SHANK2: variants seen among roughly 807,000 people sequenced by gnomAD.
SHANK2 encodes the protein SH3 and multiple ankyrin repeat domains protein 2.
Under a neutral mutation model 133.7 loss-of-function variants are expected in SHANK2, and 43 were observed. That is an observed-to-expected ratio of 0.32 (90% CI 0.25 to 0.41). The LOEUF (loss-of-function observed/expected upper bound fraction) is 0.41. SHANK2 is among the 10% of genes least tolerant of loss of function. SHANK2 has a pLI of 1.00. For missense variants in SHANK2, 1,994 were observed against 2,235.8 expected (o/e 0.89, Z 2.18); for synonymous variants, 1,017 against 952.8 (o/e 1.07, Z -1.24).
intron 2 of SHANK2, among the ~76,000 whole-genome samples, chr11:71,178,755 A>T (rs560656306): frequency 4.6e-5 from 7 of 152,206 alleles, no homozygotes; most frequent in Non-Finnish European, 1.0e-4. Flanking sequence ...AGGCTGAGGC[A>T]GGTGGATCAC....
At chr11:70,899,102 G>A (rs1312286101) in intron 10 of SHANK2, among the ~76,000 whole-genome samples, 1 of 152,180 alleles carries the variant, frequency 6.6e-6, no homozygotes, top group Non-Finnish European at 1.5e-5. Context: ...CTTACGGGCA[G>A]GACCACAGGG....
rs2134791965 is a variant in SHANK2, at chr11:70,739,621, C to A, written c.1778-40858G>T. Among the ~76,000 whole-genome samples the A allele has an allele frequency of 6.6e-6, 1 of 152,328 alleles. No individual in the cohort carries two copies. The highest frequency in any genetic ancestry group is 2.1e-4 in the South Asian group (1 of 4,828). ...TGGTGAGGTTGGTCCAGGGTCCCAC[C>A]ACCAGCCAGGGTCAGCTGGGCCCCA... On this transcript the variant is annotated intron_variant, in intron 14 of 25. Transcript: ENST00000601538. This position sits in a 1 kb window ranked among gnomAD's most constrained non-coding sequence, Gnocchi z 4.3.
intron 17 of SHANK2, among the ~76,000 whole-genome samples, chr11:70,519,038 C>T (rs2059299027): frequency 6.6e-6 from 1 of 152,104 alleles, no homozygotes; most frequent in Admixed American, 6.5e-5. Context: ...GCCTCTTGAG[C>T]AGCTGAAACC....
intron 10 of SHANK2, among the ~76,000 whole-genome samples, chr11:70,929,026 G>T (rs1555082081): frequency 6.6e-6 from 1 of 152,194 alleles, no homozygotes; most frequent in East Asian, 1.9e-4. Context: ...GAGAAGCTGG[G>T]AGGGCACTAC....
intron 14 of SHANK2, among the ~76,000 whole-genome samples, chr11:70,790,076 A>C (rs1947755937): frequency 6.6e-6 from 1 of 152,240 alleles, no homozygotes; most frequent in African/African-American, 2.4e-5. Context: ...CATGGGTGCC[A>C]ACTGATTACT....
At chr11:70,522,470 G>A (rs1475880684) in intron 17 of SHANK2, among the ~76,000 whole-genome samples, 2 of 152,212 alleles carry the variant, frequency 1.3e-5, no homozygotes, top group Non-Finnish European at 2.9e-5. Flanking sequence ...GCACGTGCAG[G>A]GTTCTCATTA....
At chr11:70,588,410 G>C (rs1454018228) in intron 17 of SHANK2, among the ~76,000 whole-genome samples, 3 of 152,208 alleles carry the variant, frequency 2.0e-5, no homozygotes, top group Non-Finnish European at 4.4e-5. Context: ...TAGCCAAGCT[G>C]TGAATACAAA....
chr11:70,519,930 T>C (rs1431853240), intron 17 of SHANK2, among the ~76,000 whole-genome samples: 1 of 146,524 alleles, frequency 6.8e-6, no homozygotes, highest in Non-Finnish European at 1.5e-5. Flanking sequence ...TTTTTTTTTT[T>C]AAAGGCAAGG....
At chr11:71,232,540 TCCC>T (rs1478808696) in intron 1 of SHANK2, among the ~76,000 whole-genome samples, 6 of 148,794 alleles carry the variant, frequency 4.0e-5, no homozygotes, top group African/African-American at 1.5e-4. Flanking sequence ...TCCTCCTCTT[TCCC>T]CCCTCCTCTC....
rs1555159232 is a variant in SHANK2, at chr11:70,503,023, A to G, written c.2062-92T>C. The G allele has an allele frequency of 2.8e-6, 4 of 1,408,234 alleles. No homozygotes were observed. The East Asian group carries it at 6.9e-5, about 24-fold the overall frequency. The allele number at this position is 1,408,234 out of a possible 1,614,324, so 87.2% of individuals were successfully genotyped here. A position where few individuals can be genotyped will look rare whatever the true frequency, so the allele number is the denominator to read the frequency against. ...CAAGGCAGAGACATGTGGGCTCCTA[A>G]AAAGGGGGCAAATGCAGGGAAGCAA... On this transcript the variant is annotated intron_variant, in intron 17 of 25. Transcript: ENST00000601538.
chr11:70,486,633 G>GAGTGCC lies in SHANK2; in HGVS notation c.3654_3659dup (p.Ala1219_Leu1220dup), dbSNP rs1565528668. 6.2e-7 allele frequency: 1 copy of GAGTGCC among 1,613,090 alleles called. No homozygotes were observed. ...CCTTCATGGCTCGGTCCCTTGCGGA[G>GAGTGCC]AGTGCCAGGGCCAGCGGGGAGCTGG... is the stretch of plus-strand genomic sequence containing the variant. On this transcript the variant is annotated inframe_insertion, in exon 25 of 26. Coordinates refer to ENST00000601538, the MANE Select transcript of SHANK2 (RefSeq NM_012309.5). The surrounding 1 kb of genome is among the most constrained non-coding windows in gnomAD (Gnocchi z 8.0).
intron 14 of SHANK2, among the ~76,000 whole-genome samples, chr11:70,790,180 T>A (rs1947757778): frequency 6.6e-6 from 1 of 152,242 alleles, no homozygotes. Context: ...AAGGATCAAG[T>A]GATTCTACAA....
chr11:70,568,646 G>GGCCCC (rs2059999450), intron 17 of SHANK2, among the ~76,000 whole-genome samples: 1 of 79,966 alleles, frequency 1.3e-5, no homozygotes, highest in Non-Finnish European at 2.8e-5. Flanking sequence ...GCGGATTCCT[G>GGCCCC]CCCCCCCCGC....
At chr11:70,806,497 T>C (rs1345093369) in intron 13 of SHANK2, among the ~76,000 whole-genome samples, 15 of 152,212 alleles carry the variant, frequency 9.9e-5, no homozygotes, top group African/African-American at 3.4e-4. Context: ...CTTGACCTGG[T>C]GTTGACAATG....
chr11:70,538,280 G>A (rs1315293840), intron 17 of SHANK2, among the ~76,000 whole-genome samples: 2 of 152,232 alleles, frequency 1.3e-5, no homozygotes, highest in Non-Finnish European at 2.9e-5. Context: ...AGCCTTGCCA[G>A]TCCTTCCCCC....
chr11:70,673,036 G>A (rs938168849), intron 15 of SHANK2, among the ~76,000 whole-genome samples: 3 of 152,224 alleles, frequency 2.0e-5, no homozygotes, highest in Non-Finnish European at 4.4e-5. Flanking sequence ...AGCCTGAGCT[G>A]GGACCTCCTA....
chr11:70,603,079 C>T (rs1554991399), intron 17 of SHANK2, among the ~76,000 whole-genome samples: 2 of 152,256 alleles, frequency 1.3e-5, no homozygotes, highest in Non-Finnish European at 2.9e-5. Context: ...GATATCAACA[C>T]AGGTGGTAAA....
chr11:70,928,018 C>A (rs181763258), intron 10 of SHANK2, among the ~76,000 whole-genome samples: 1 of 152,132 alleles, frequency 6.6e-6, no homozygotes, highest in Admixed American at 6.5e-5. Flanking sequence ...TAATCACATG[C>A]GCCAATTCCT....
chr11:70,616,497 G>C (rs1565182418), intron 17 of SHANK2, among the ~76,000 whole-genome samples: 1 of 152,202 alleles, frequency 6.6e-6, no homozygotes, highest in East Asian at 1.9e-4. Context: ...TGGGGAGGCA[G>C]AGACAACTCA....
Sources: allele counts gnomAD v4.1 joint callset (sites outside exome capture counted in the v4.1 genomes callset), GRCh38; gene constraint gnomAD v4.1.1; non-coding constraint Gnocchi (gnomAD v3.1); transcripts MANE v1.5; gene names NCBI Gene and HGNC (gene_info 2026-07-23, HGNC 2026-07-21).